Variants in FBXL17 observed in about 807,000 individuals in gnomAD.
FBXL17 encodes F-box/LRR-repeat protein 17.
FBXL17 carries 22 observed loss-of-function variants against 66.2 expected under a neutral mutation model. The ratio of observed to expected loss-of-function variants is 0.33; its 90% CI spans 0.24 to 0.47. The LOEUF (loss-of-function observed/expected upper bound fraction) is 0.47. FBXL17 is among the 20% of genes least tolerant of loss of function. The probability of loss-of-function intolerance (pLI) is 1.00; values close to 1 mark genes in which losing one functional copy is unlikely to be tolerated. For missense variants in FBXL17, 878 were observed against 948.2 expected (o/e 0.93, Z 0.97); for synonymous variants, 474 against 400.5 (o/e 1.18, Z -2.19).
At chr5:108,375,521 C>T (rs1749363326) in intron 1 of FBXL17, among the ~76,000 whole-genome samples, 1 of 151,862 alleles carries the variant, frequency 6.6e-6, no homozygotes, top group Non-Finnish European at 1.5e-5. Flanking sequence ...TTGTATGCTA[C>T]CAAATTGATG....
chr5:108,375,089 G>T (rs1749327925), intron 1 of FBXL17, among the ~76,000 whole-genome samples: 1 of 152,098 alleles, frequency 6.6e-6, no homozygotes, highest in African/African-American at 2.4e-5. Context: ...CACAATGGTT[G>T]ACACCTATAA....
intron 6 of FBXL17, among the ~76,000 whole-genome samples, chr5:108,135,482 T>C (rs967220398): frequency 1.3e-5 from 2 of 152,154 alleles, no homozygotes; most frequent in African/African-American, 4.8e-5. Context: ...ACGTTTATAA[T>C]AGATTCAGTA....
intron 7 of FBXL17, among the ~76,000 whole-genome samples, chr5:107,989,047 G>C (rs1421831369): frequency 6.6e-6 from 1 of 151,752 alleles, no homozygotes; most frequent in Non-Finnish European, 1.5e-5. Context: ...GGGTACAGGC[G>C]ACATTTTGAT....
rs1747451837 is a variant in FBXL17 at position 108,051,037 on chromosome 5, G to T, written c.1746-30036C>A. ...ATACACCTTCCAAAGACTAAACCAA[G>T]AAGAAGCTGAATCCCTGAATAGACC... On this transcript the variant is annotated intron_variant, in intron 6 of 8. Coordinates refer to ENST00000542267, the MANE Select transcript of FBXL17 (RefSeq NM_001163315.3). Among the ~76,000 whole-genome samples, 3 of 151,960 alleles carry T rather than the reference G, an allele frequency of 2.0e-5. No individual in the cohort carries two copies. In the South Asian group the frequency reaches 6.4e-4, roughly 32 times the overall value.
intron 4 of FBXL17, among the ~76,000 whole-genome samples, chr5:108,241,602 A>T (rs1340386400): frequency 1.3e-5 from 2 of 152,190 alleles, no homozygotes; most frequent in African/African-American, 4.8e-5. Context: ...AGAATTTCTC[A>T]AACCTAGAGA....
chr5:108,042,884 C>T (rs1747106036), intron 6 of FBXL17, among the ~76,000 whole-genome samples: 4 of 152,132 alleles, frequency 2.6e-5, no homozygotes, highest in Admixed American at 2.6e-4. Flanking sequence ...TTCTTAACAT[C>T]CTCAACAGCA....
intron 8 of FBXL17, among the ~76,000 whole-genome samples, chr5:107,867,571 A>T (rs748552723): frequency 6.6e-6 from 1 of 152,246 alleles, no homozygotes; most frequent in African/African-American, 2.4e-5. Flanking sequence ...AGGAGGGCAG[A>T]CCATTTGGAA....
chr5:107,941,973 C>T (rs1472507782), intron 7 of FBXL17, among the ~76,000 whole-genome samples: 1 of 152,140 alleles, frequency 6.6e-6, no homozygotes, highest in Non-Finnish European at 1.5e-5. Context: ...TCTGACTGTT[C>T]ACTCTCAAAT....
chr5:108,002,487 G>C (rs1290179469), intron 7 of FBXL17, among the ~76,000 whole-genome samples: 1 of 152,008 alleles, frequency 6.6e-6, no homozygotes, highest in Non-Finnish European at 1.5e-5. Context: ...AAGAAAGTAA[G>C]AAAAAACTTA....
intron 4 of FBXL17, among the ~76,000 whole-genome samples, chr5:108,230,568 AG>A (rs1755287453): frequency 6.6e-6 from 1 of 152,106 alleles, no homozygotes; most frequent in Admixed American, 6.6e-5. Flanking sequence ...GGAGACTCAG[AG>A]GAAAGGGTAG....
intron 7 of FBXL17, 80 bp downstream of exon 7, chr5:108,020,845 T>C: frequency 9.9e-7 from 1 of 1,009,068 alleles, no homozygotes; most frequent in Non-Finnish European, 1.6e-6. Context: ...GATATAGTTC[T>C]TGATTTCTTT....
chr5:107,993,331 T>C (rs1753335385), intron 7 of FBXL17, among the ~76,000 whole-genome samples: 1 of 152,204 alleles, frequency 6.6e-6, no homozygotes. Context: ...TGATGAGTGA[T>C]TATTCTTTAT....
At chr5:108,178,045 A>G (rs770401395) in intron 6 of FBXL17, among the ~76,000 whole-genome samples, 1 of 151,364 alleles carries the variant, frequency 6.6e-6, no homozygotes, top group Non-Finnish European at 1.5e-5. Flanking sequence ...ATTTTTTTTG[A>G]GACAGGGTCT....
intron 6 of FBXL17, among the ~76,000 whole-genome samples, chr5:108,088,456 C>T (rs186777794): frequency 6.6e-6 from 1 of 152,108 alleles, no homozygotes; most frequent in East Asian, 1.9e-4. Context: ...CTTTCCAGCA[C>T]TCTGGGAGGC....
chr5:108,101,421 C>A (rs879822976), intron 6 of FBXL17, among the ~76,000 whole-genome samples: 1 of 152,230 alleles, frequency 6.6e-6, no homozygotes, highest in Non-Finnish European at 1.5e-5. Flanking sequence ...TGCCAAAGAC[C>A]AGACTGAGCC....
chr5:107,943,587 G>A (rs112490205), intron 7 of FBXL17, among the ~76,000 whole-genome samples: 1 of 145,600 alleles, frequency 6.9e-6, no homozygotes. Flanking sequence ...AATCATTGTA[G>A]TTAATCTTCC....
At chr5:108,314,601 C>G (rs1189228339) in intron 4 of FBXL17, among the ~76,000 whole-genome samples, 1 of 150,936 alleles carries the variant, frequency 6.6e-6, no homozygotes, top group Non-Finnish European at 1.5e-5. Flanking sequence ...ATACTGCGTT[C>G]AAAAGTTAGT....
chr5:107,881,078 T>G lies in FBXL17; in HGVS notation c.1924A>C (p.Ser642Arg). The change falls in exon 8 of 9, where the codon AGC becomes CGC. Residue 642 changes from serine to arginine, a missense_variant. Physicochemically the swap from Ser to Arg is moderately radical, Grantham distance 110 (BLOSUM62 -1). Coordinates refer to ENST00000542267, the MANE Select transcript of FBXL17 (RefSeq NM_001163315.3). Reference sequence around the variant, plus strand: ...AGCCCCAAATATCTCAGAGACTTGCTGCTCTGTGCAATCAGGGTGGCTCCT... The same window carrying G: ...AGCCCCAAATATCTCAGAGACTTGCGGCTCTGTGCAATCAGGGTGGCTCCT... The part of the protein sequence containing the change: ...DQGATLIAQS[S>R]KSLRYLGLMR... The G allele has an allele frequency of 6.2e-7, 1 of 1,614,076 alleles. No homozygotes were observed.
At chr5:107,880,533 A>G in intron 8 of FBXL17, 8 of 1,007,670 alleles carry the variant, frequency 7.9e-6, no homozygotes, top group South Asian at 8.6e-5. Context: ...GTATGGGGAG[A>G]TGCAAATTCC....
Sources: allele counts gnomAD v4.1 joint callset (sites outside exome capture counted in the v4.1 genomes callset), GRCh38; gene constraint gnomAD v4.1.1; transcripts MANE v1.5; gene names NCBI Gene and HGNC (gene_info 2026-07-23, HGNC 2026-07-21).